The following ZCCHC24 variants were observed in gnomAD, a reference collection of about 807,000 sequenced individuals.
The protein encoded by ZCCHC24 is zinc finger CCHC-type containing 24.
Under a neutral mutation model 26.2 loss-of-function variants are expected in ZCCHC24, and 10 were observed. The ratio of observed to expected loss-of-function variants is 0.38; its 90% confidence interval spans 0.24 to 0.65. The LOEUF is 0.65. Among genes scored for constraint, ZCCHC24 ranks in the 30% least tolerant of loss-of-function variants. The pLI, the probability that ZCCHC24 is intolerant of heterozygous loss-of-function variation, is 0.54. For synonymous variants in ZCCHC24, 144 were observed against 147.1 expected (o/e 0.98, Z 0.15); for missense variants, 243 against 329.1 (o/e 0.74, Z 2.03).
chr10:79,424,471 C>T (rs1016225684), intron 2 of ZCCHC24, among the ~76,000 whole-genome samples: 4 of 152,224 alleles, frequency 2.6e-5, no homozygotes, highest in East Asian at 1.9e-4. Context: ...CTGGGCACCA[C>T]GGCCCATAGA....
intron 2 of ZCCHC24, among the ~76,000 whole-genome samples, chr10:79,416,672 C>T (rs1856864908): frequency 6.6e-6 from 1 of 152,112 alleles, no homozygotes; most frequent in Admixed American, 6.6e-5. Flanking sequence ...GAGTCTTGTT[C>T]ATTTCTTCCT....
rs555957290 is a variant in ZCCHC24, at chr10:79,386,255, A to C, written c.*90T>G. 1 of 1,270,240 alleles carries C rather than the reference A, an allele frequency of 7.9e-7. No homozygotes were observed. Among genetic ancestry groups the C allele is most frequent in the Admixed American group, 2.0e-5 (1 of 50,548 alleles). The allele number at this position is 1,270,240 out of a possible 1,614,324, so 78.7% of individuals were successfully genotyped here. ...AGGCCTGCGAGGGCACCCCATGCAC[A>C]GGGCGACACGCAGCCCCTCGGAGTA... On this transcript the variant is annotated 3_prime_UTR_variant, in exon 4 of 4. Coordinates refer to ENST00000372336, the MANE Select transcript of ZCCHC24 (RefSeq NM_153367.4).
At chr10:79,443,129 G>T (rs1176309162) in intron 1 of ZCCHC24, among the ~76,000 whole-genome samples, 1 of 152,170 alleles carries the variant, frequency 6.6e-6, no homozygotes, top group Admixed American at 6.5e-5. Flanking sequence ...CCTGAAGTCA[G>T]GTTGTGAAAG....
intron 2 of ZCCHC24, among the ~76,000 whole-genome samples, chr10:79,417,931 G>A (rs1473962282): frequency 6.6e-6 from 1 of 152,158 alleles, no homozygotes; most frequent in Non-Finnish European, 1.5e-5. Context: ...CACAGGCTGG[G>A]ATCTGGCCAC....
At position 79,386,387 on chromosome 10, in the gene ZCCHC24, C is replaced by G. The variant is rs751623361; in HGVS notation, c.684G>C (p.Glu228Asp). 1.2e-6 allele frequency: 2 copies of G among 1,612,942 alleles called. No homozygotes were observed. Among genetic ancestry groups the G allele is most frequent in the Non-Finnish European group, 1.7e-6 (2 of 1,179,292 alleles). Reference sequence around the variant, plus strand: ...AGTAGTAGCCCAGGACCTTGCACTTCTCGCAGAGGTGCTGCGGGTGCTCCT... The same window carrying G: ...AGTAGTAGCCCAGGACCTTGCACTTGTCGCAGAGGTGCTGCGGGTGCTCCT... Reference protein sequence around the residue: ...QSKEHPQHLCEKCKVLGYYCR... With the variant: ...QSKEHPQHLCDKCKVLGYYCR... Residue 228 changes from glutamate to aspartate, a missense_variant, in exon 4 of 4, where the codon GAG (glutamate) becomes GAC (aspartate). Coordinates refer to ENST00000372336, the MANE Select transcript of ZCCHC24 (RefSeq NM_153367.4).
Position 79,382,907 on chromosome 10 carries a change from C to T in ZCCHC24, c.*3438G>A, listed in dbSNP as rs1856341060. The stretch of plus-strand genomic sequence containing the variant: ...TCCTGGGGCCCTGCTGATTGAGAGC[C>T]CTCCCACCAAGCCAAGACGCTGGTG... On this transcript the variant is annotated 3_prime_UTR_variant, in exon 4 of 4. Transcript: ENST00000372336. 6.6e-6 allele frequency: 1 copy of T among 152,572 alleles called. No homozygotes were observed. Among genetic ancestry groups the T allele is most frequent in the South Asian group, 2.1e-4 (1 of 4,830 alleles). The allele number at this position is 152,572 out of a possible 1,614,324, so 9.5% of individuals were successfully genotyped here.
At chr10:79,438,848 C>G (rs1589680995) in intron 1 of ZCCHC24, among the ~76,000 whole-genome samples, 1 of 152,204 alleles carries the variant, frequency 6.6e-6, no homozygotes, top group East Asian at 1.9e-4. Context: ...CCCAGGGTCA[C>G]CACTCACCTG....
intron 2 of ZCCHC24, among the ~76,000 whole-genome samples, chr10:79,399,731 G>A (rs936981013): frequency 1.3e-5 from 2 of 152,236 alleles, no homozygotes; most frequent in African/African-American, 4.8e-5. Flanking sequence ...GCCAAGCCAA[G>A]GAGCAGAGAA....
intron 2 of ZCCHC24, among the ~76,000 whole-genome samples, chr10:79,427,760 T>G (rs1261625851): frequency 6.6e-6 from 1 of 152,172 alleles, no homozygotes; most frequent in Non-Finnish European, 1.5e-5. Context: ...ATGCCTGTAA[T>G]CCCAGCACTT....
chr10:79,442,525 G>T (rs775647849), intron 1 of ZCCHC24, among the ~76,000 whole-genome samples: 1 of 152,198 alleles, frequency 6.6e-6, no homozygotes, highest in African/African-American at 2.4e-5. Flanking sequence ...CCTGGGGGTG[G>T]TGCAGGAGGG....
At chr10:79,393,280 A>G (rs1009070208) in intron 3 of ZCCHC24, among the ~76,000 whole-genome samples, 3 of 152,214 alleles carry the variant, frequency 2.0e-5, no homozygotes, top group African/African-American at 7.2e-5. Context: ...TTTTGCAAAC[A>G]TCTCAAATGT....
intron 2 of ZCCHC24, among the ~76,000 whole-genome samples, chr10:79,428,508 G>A (rs1158586301): frequency 7.9e-6 from 1 of 126,336 alleles, no homozygotes; most frequent in Non-Finnish European, 1.7e-5. Context: ...CTCTGTGGCT[G>A]GAAGGTGGTG....
intron 2 of ZCCHC24, among the ~76,000 whole-genome samples, chr10:79,429,819 T>C (rs1857101962): frequency 6.6e-6 from 1 of 152,206 alleles, no homozygotes; most frequent in African/African-American, 2.4e-5. Flanking sequence ...CTATTTCATT[T>C]GTGACACAGG....
At chr10:79,425,781 A>C (rs1367146332) in intron 2 of ZCCHC24, among the ~76,000 whole-genome samples, 1 of 152,184 alleles carries the variant, frequency 6.6e-6, no homozygotes, top group Non-Finnish European at 1.5e-5. Flanking sequence ...AGCTATTGCT[A>C]TTGTATAGTG....
chr10:79,395,028 TCTGGTTCTGCATCTTC>T (rs1294438447), intron 2 of ZCCHC24, among the ~76,000 whole-genome samples: 20 of 152,268 alleles, frequency 1.3e-4, no homozygotes, highest in African/African-American at 1.9e-4. Context: ...AGATTATCCA[TCTGGTTCTGCATCTTC>T]CTGGTTCTGC....
chr10:79,394,375 C>T lies in ZCCHC24; in HGVS notation c.513G>A (p.Lys171=), dbSNP rs1856517404. Residue 171 remains lysine (K), a synonymous_variant, in exon 3 of 4, where the codon AAG becomes AAA. Transcript: ENST00000372336. ...TCCATTTTCTCTTGCACTTGGGACA[C>T]TTGTACTCGCCGAAGCAGCGCTTTT... ...QGKKRCFGEY[K]CPKCKRKWMS... The T allele has an allele frequency of 1.9e-6, 3 of 1,614,268 alleles. No individual in the cohort carries two copies. The highest frequency in any genetic ancestry group is 2.5e-6 in the Non-Finnish European group (3 of 1,180,048).
At chr10:79,444,362 G>T in intron 1 of ZCCHC24, 1 of 1,147,138 alleles carries the variant, frequency 8.7e-7, no homozygotes, top group South Asian at 2.2e-5. Flanking sequence ...TATCTTGCTG[G>T]CAAAGAGGCG....
chr10:79,437,372 G>T (rs923068389), intron 1 of ZCCHC24, among the ~76,000 whole-genome samples: 1 of 152,190 alleles, frequency 6.6e-6, no homozygotes, highest in Non-Finnish European at 1.5e-5. Context: ...CTCTGATCAT[G>T]CGGTGTGTCA....
intron 2 of ZCCHC24, among the ~76,000 whole-genome samples, chr10:79,399,734 G>T (rs1338471983): frequency 6.6e-6 from 1 of 152,210 alleles, no homozygotes; most frequent in Non-Finnish European, 1.5e-5. Flanking sequence ...AAGCCAAGGA[G>T]CAGAGAAGGC....
Sources: allele counts gnomAD v4.1 joint callset (sites outside exome capture counted in the v4.1 genomes callset), GRCh38; gene constraint gnomAD v4.1.1; transcripts MANE v1.5; gene names NCBI Gene and HGNC (gene_info 2026-07-23, HGNC 2026-07-21).